The following MEGF6 variants were observed in gnomAD, a reference collection of about 807,000 sequenced individuals.
The protein encoded by MEGF6 is multiple EGF like domains 6.
A neutral mutation model predicts 207.1 loss-of-function variants in MEGF6; 184 were observed. That is an observed-to-expected ratio of 0.89 (90% CI 0.79 to 1.00). MEGF6 has a LOEUF of 1.00. Among genes scored for constraint, MEGF6 ranks in the 50% least tolerant of loss-of-function variants. The pLI is 0.00. For synonymous variants in MEGF6, 1,038 were observed against 910.0 expected, an observed-to-expected ratio of 1.14 and a Z score of -2.53; for missense variants, 2,282 against 2,202.9, an observed-to-expected ratio of 1.04 and a Z score of -0.72.
chr1:3,616,411 G>A (rs939572047), upstream of MEGF6, among the ~76,000 whole-genome samples: 8 of 152,136 alleles, frequency 5.3e-5, no homozygotes, highest in African/African-American at 1.2e-4. Context: ...CAACACCAAC[G>A]ACTGCCCCGT....
At position 3,574,535 on chromosome 1, in the gene MEGF6, G is replaced by A. The variant is rs368531640; in HGVS notation, c.481+5290C>T. Among the ~76,000 whole-genome samples, 6 of 150,014 alleles carry A rather than the reference G, an allele frequency of 4.0e-5. No individual in the cohort carries two copies. The East Asian group carries it at 7.9e-4, about 20-fold the overall frequency. On this transcript the variant is annotated intron_variant, in intron 4 of 36. Coordinates refer to ENST00000356575, the MANE Select transcript of MEGF6 (RefSeq NM_001409.4). The stretch of plus-strand genomic sequence containing the variant: ...AGTGAGGGTGGCAACACTCTAGTGT[G>A]GTGGTGCTGGAGACCCGTCTGATCT...
At chr1:3,545,057 C>A (rs1214581918) in intron 4 of MEGF6, among the ~76,000 whole-genome samples, 1 of 152,122 alleles carries the variant, frequency 6.6e-6, no homozygotes, top group Admixed American at 6.5e-5. Flanking sequence ...CATGGCTTGG[C>A]GGCGGGGCCA....
chr1:3,577,778 G>T (rs145955008), intron 4 of MEGF6, among the ~76,000 whole-genome samples: 1 of 152,204 alleles, frequency 6.6e-6, no homozygotes, highest in South Asian at 2.1e-4. Flanking sequence ...AGCCCACTCC[G>T]CAGTGCTGGC....
chr1:3,618,535 C>T, the MEGF6 span, among the ~76,000 whole-genome samples: 5 of 152,138 alleles, frequency 3.3e-5, no homozygotes, highest in South Asian at 2.1e-4. This position sits in a 1 kb window ranked among gnomAD's most constrained non-coding sequence, Gnocchi z 4.7. Flanking sequence ...GAGAACTGCA[C>T]GAGAATGACA....
In MEGF6 at chr1:3,495,921, G is replaced by GA. The variant is rs1351970542; in HGVS notation, c.3839_3840insT (p.Arg1283GlufsTer7). Reference sequence around the variant, plus strand: ...CACAGCGGACGCCGGCTCTCCCCGGGGGGCAGAGGCAGGTGCCGGTCACAG... The same window carrying GA: ...CACAGCGGACGCCGGCTCTCCCCGGGAGGGCAGAGGCAGGTGCCGGTCACAG... On this transcript the variant is annotated frameshift_variant, in exon 30 of 37. Coordinates refer to ENST00000356575, the MANE Select transcript of MEGF6 (RefSeq NM_001409.4). LOFTEE classifies it high-confidence loss of function. The GA allele has an allele frequency of 1.3e-6, 2 of 1,597,616 alleles. No homozygotes were observed. The highest frequency in any genetic ancestry group is 2.7e-5 in the African/African-American group (2 of 74,886).
chr1:3,515,360 C>T, intron 6 of MEGF6, 42 bp downstream of exon 6: 1 of 1,581,878 alleles, frequency 6.3e-7, no homozygotes, highest in African/African-American at 1.3e-5. Context: ...GCTTGTCCTG[C>T]CTCCACCCCC....
rs1236022691 is a variant in MEGF6 at position 3,488,647 on chromosome 1, T to G, written c.*1881A>C. On this transcript the variant is annotated 3_prime_UTR_variant, in exon 37 of 37. Transcript: ENST00000356575. The stretch of plus-strand genomic sequence containing the variant: ...GTTTAGCTGGATGTAAAATTCAGCC[T>G]TCAAATATTTCCTTCAAACTCTGAG... Among the ~76,000 whole-genome samples the G allele has an allele frequency of 6.6e-6, 1 of 152,258 alleles. No homozygotes were observed. Among genetic ancestry groups the G allele is most frequent in the Non-Finnish European group, 1.5e-5 (1 of 68,046 alleles).
intron 29 of MEGF6, 37 bp from the exon 30 acceptor site, chr1:3,496,055 C>T (rs559305296): frequency 2.0e-6 from 3 of 1,480,330 alleles, no homozygotes; most frequent in South Asian, 1.4e-5. Context: ...GCTGGCTTCC[C>T]TTCTCTCCCT....
At chr1:3,541,999 G>GC (rs1164359434) in intron 4 of MEGF6, among the ~76,000 whole-genome samples, 4 of 152,248 alleles carry the variant, frequency 2.6e-5, no homozygotes. Flanking sequence ...GCAGCTGAGA[G>GC]CCGGGTCCGG....
intron 5 of MEGF6, among the ~76,000 whole-genome samples, chr1:3,519,465 G>A (rs938105857): frequency 6.6e-5 from 10 of 152,242 alleles, no homozygotes; most frequent in Admixed American, 3.3e-4. Flanking sequence ...TGCTTGCACC[G>A]CCACACGCGC....
rs1210222307 is a variant in MEGF6 at position 3,611,381 on chromosome 1, T to A, written c.-113A>T. 2.3e-6 allele frequency: 3 copies of A among 1,299,444 alleles called. No individual in the cohort carries two copies. Among genetic ancestry groups the A allele is most frequent in the Non-Finnish European group, 2.9e-6 (3 of 1,017,104 alleles). 80.5% of individuals were successfully genotyped at this position (1,299,444 alleles called of 1,614,324 possible). On this transcript the variant is annotated 5_prime_UTR_variant, in exon 1 of 37. Coordinates refer to ENST00000356575, the MANE Select transcript of MEGF6 (RefSeq NM_001409.4). The stretch of plus-strand genomic sequence containing the variant: ...CGCAGCCACAGGTGCCCGCGCCCGC[T>A]CCGCGGAGCCCAAGGTCGCTGCAGG...
rs1174850832 is a variant in MEGF6 at position 3,508,683 on chromosome 1, A to C, written c.1535T>G (p.Leu512Arg). ...EHTLTEKFVC[L>R]DDSFGHDCSL... ...GCAGTCATGGCCAAAGGAGTCATCC[A>C]GGCAGACTGGGGGCAGACCAGGATG... The change falls in exon 13 of 37, where the codon CTG becomes CGG. Residue 512 changes from leucine (L) to arginine (R), a missense_variant. By Grantham distance (102) the Leu-to-Arg change is moderately radical (BLOSUM62 -2). Coordinates refer to ENST00000356575, the MANE Select transcript of MEGF6 (RefSeq NM_001409.4). The C allele has an allele frequency of 6.2e-7, 1 of 1,613,186 alleles. No homozygotes were observed. The highest frequency in any genetic ancestry group is 1.7e-5 in the Admixed American group (1 of 60,010).
intron 7 of MEGF6, among the ~76,000 whole-genome samples, chr1:3,512,465 C>T (rs1233992189): frequency 6.6e-6 from 1 of 152,242 alleles, no homozygotes; most frequent in Admixed American, 6.5e-5. Flanking sequence ...TATGGTCTGG[C>T]TGTGTCCCCA....
At chr1:3,616,773 G>A in the MEGF6 span, among the ~76,000 whole-genome samples, 1 of 152,244 alleles carries the variant, frequency 6.6e-6, no homozygotes, top group African/African-American at 2.4e-5. Flanking sequence ...GGTGGGCTGT[G>A]TGATGTGGCC....
In MEGF6 at chr1:3,492,970, C is replaced by T. The variant is rs117921547; in HGVS notation, c.4388-203G>A. On this transcript the variant is annotated intron_variant, in intron 34 of 36. Transcript: ENST00000356575. ...CCCTGCCTTCCTCAGCTACATTCTG[C>T]AGCCAGTGAGCTCCTGCATGAGAAA... The T allele has an allele frequency of 2.9e-3, 1,851 of 643,026 alleles. 49 individuals carry two copies. In the East Asian group the frequency reaches 0.047, roughly 16 times the overall value. 39.8% of individuals were successfully genotyped at this position (643,026 alleles called of 1,614,324 possible).
intron 3 of MEGF6, among the ~76,000 whole-genome samples, chr1:3,591,222 C>T (rs1211681244): frequency 6.6e-6 from 1 of 152,216 alleles, no homozygotes; most frequent in East Asian, 1.9e-4. Context: ...CGGAAACGCT[C>T]GGCTAACCCA....
chr1:3,508,232 C>T (rs1641192637), intron 13 of MEGF6, among the ~76,000 whole-genome samples: 1 of 152,190 alleles, frequency 6.6e-6, no homozygotes, highest in Non-Finnish European at 1.5e-5. Flanking sequence ...GCCGGCTGCC[C>T]TTCAGCAGAC....
chr1:3,499,217 G>C lies in MEGF6; in HGVS notation c.3015C>G (p.Cys1005Trp). ...CAGGGTCACAGGAGGCCCCGTTAAA[G>C]CAGGCACAGGCCTGGCTGCAATTGT... ...YGHNCSQACA[C>W]FNGASCDPVH... Residue 1005 changes from cysteine (C) to tryptophan (W), a missense_variant, in exon 24 of 37, where the codon TGC becomes TGG. Coordinates refer to ENST00000356575, the MANE Select transcript of MEGF6 (RefSeq NM_001409.4). 1 of 1,605,688 alleles carries C rather than the reference G, an allele frequency of 6.2e-7. No homozygotes were observed. The highest frequency in any genetic ancestry group is 8.5e-7 in the Non-Finnish European group (1 of 1,177,290).
At chr1:3,579,701 G>A (rs1643744718) in intron 4 of MEGF6, 124 bp downstream of exon 4, 9 of 588,062 alleles carry the variant, frequency 1.5e-5, no homozygotes. Flanking sequence ...TCAGAAGAAT[G>A]CCCGTTCACT....
Sources: allele counts gnomAD v4.1 joint callset (sites outside exome capture counted in the v4.1 genomes callset), GRCh38; gene constraint gnomAD v4.1.1; non-coding constraint Gnocchi (gnomAD v3.1); transcripts MANE v1.5; gene names NCBI Gene and HGNC (gene_info 2026-07-23, HGNC 2026-07-21).